FYN: variants seen among roughly 807,000 people sequenced by gnomAD.
FYN encodes the protein tyrosine-protein kinase Fyn.
FYN carries 10 observed loss-of-function variants against 70.2 expected under a neutral mutation model. That is an observed-to-expected ratio of 0.14 (90% CI 0.09 to 0.24). FYN has a LOEUF of 0.24. Ranked by LOEUF, FYN falls within the 10% of genes least tolerant of loss-of-function variation. FYN has a pLI of 1.00. For missense variants in FYN, 319 were observed against 673.1 expected (o/e 0.47, Z 5.82); for synonymous variants, 236 against 248.6 (o/e 0.95, Z 0.48).
At chr6:111,794,085 G>T (rs903676248) in intron 2 of FYN, among the ~76,000 whole-genome samples, 1 of 152,158 alleles carries the variant, frequency 6.6e-6, no homozygotes, top group African/African-American at 2.4e-5. Flanking sequence ...CCCGGGGCAG[G>T]GCCCCTGCCA....
intron 2 of FYN, among the ~76,000 whole-genome samples, chr6:111,791,781 C>T (rs1771632257): frequency 6.6e-6 from 1 of 152,176 alleles, no homozygotes; most frequent in Admixed American, 6.5e-5. Context: ...TTTTAAGCCA[C>T]CCATTTTGTG....
chr6:111,819,695 T>C (rs571634392), intron 2 of FYN, among the ~76,000 whole-genome samples: 7 of 152,324 alleles, frequency 4.6e-5, no homozygotes, highest in Middle Eastern at 3.4e-3. Context: ...ACTTTGTGTT[T>C]GTTTACATGT....
Position 111,720,071 on chromosome 6 carries a change from G to A in FYN, c.-11-9C>T, listed in dbSNP as rs1413595274. 8.3e-6 allele frequency: 13 copies of A among 1,565,556 alleles called. No homozygotes were observed. In the Admixed American group the frequency reaches 1.3e-4, roughly 15 times the overall value. ...GCCCATTATCTAAATTCCTGCCAAA[G>A]ACAAAAAAGGGGGCACGTAAGCTGG... On this transcript the variant is annotated splice_polypyrimidine_tract_variant and intron_variant, in intron 3 of 13. Transcript: ENST00000354650.
At chr6:111,689,051 A>G (rs1443526935) in intron 12 of FYN, among the ~76,000 whole-genome samples, 1 of 152,256 alleles carries the variant, frequency 6.6e-6, no homozygotes, top group Non-Finnish European at 1.5e-5. Flanking sequence ...ATGTATGTCA[A>G]ATACAAAAAG....
intron 3 of FYN, among the ~76,000 whole-genome samples, chr6:111,752,691 G>A (rs1802541753): frequency 6.6e-6 from 1 of 152,208 alleles, no homozygotes; most frequent in African/African-American, 2.4e-5. Flanking sequence ...GCCAAGAGAG[G>A]ACTTGGACTG....
chr6:111,666,838 T>G (rs1260211168), intron 13 of FYN, among the ~76,000 whole-genome samples: 1 of 152,040 alleles, frequency 6.6e-6, no homozygotes, highest in Non-Finnish European at 1.5e-5. Context: ...ACTAGTCCGC[T>G]GTGTGGGGGT....
chr6:111,854,906 G>A (rs1773785090), intron 1 of FYN, among the ~76,000 whole-genome samples: 2 of 152,186 alleles, frequency 1.3e-5, no homozygotes, highest in Admixed American at 1.3e-4. Context: ...TGTTAATAAT[G>A]ATGCAAGACT....
At chr6:111,731,977 G>A (rs140477317) in intron 3 of FYN, among the ~76,000 whole-genome samples, 61 of 152,332 alleles carry the variant, frequency 4.0e-4, no homozygotes, top group African/African-American at 1.3e-3. Context: ...ATCAGTAAGA[G>A]GAAGAGAATG....
intron 2 of FYN, among the ~76,000 whole-genome samples, chr6:111,819,370 T>C (rs1772587377): frequency 6.6e-6 from 1 of 152,234 alleles, no homozygotes; most frequent in Admixed American, 6.5e-5. Flanking sequence ...ATTTTATTCC[T>C]TTTCTGTTCC....
At chr6:111,700,066 G>T in intron 9 of FYN, 38 bp downstream of exon 9, 1 of 1,588,800 alleles carries the variant, frequency 6.3e-7, no homozygotes, top group South Asian at 1.1e-5. Flanking sequence ...TCTTCCAAAC[G>T]GGGAAGCTAA....
rs555142306 is a variant in FYN, at chr6:111,674,681, C to T, written c.1274-51G>A. The T allele has an allele frequency of 1.6e-5, 25 of 1,581,570 alleles. No homozygotes were observed. In the South Asian group the frequency reaches 2.9e-4, roughly 18 times the overall value. Reference sequence around the variant, plus strand: ...ATCAGGCAGAGGGCACTGCAATGGGCATGGGGTGTGGGAGGGAAAGGCACT... The same window carrying T: ...ATCAGGCAGAGGGCACTGCAATGGGTATGGGGTGTGGGAGGGAAAGGCACT... On this transcript the variant is annotated intron_variant, in intron 12 of 13. Transcript: ENST00000354650.
At chr6:111,751,689 A>G (rs1802496160) in intron 3 of FYN, among the ~76,000 whole-genome samples, 1 of 151,912 alleles carries the variant, frequency 6.6e-6, no homozygotes, top group South Asian at 2.1e-4. Context: ...TGGCACAATC[A>G]CAGCTCCCTG....
chr6:111,846,264 G>GA (rs1174212967), intron 2 of FYN, among the ~76,000 whole-genome samples: 1 of 152,126 alleles, frequency 6.6e-6, no homozygotes, highest in Non-Finnish European at 1.5e-5. Context: ...TCCCCAGCCT[G>GA]AAGGCTCCTC....
At chr6:111,704,201 A>C (rs1026355254) in intron 6 of FYN, 99 bp from the exon 7 acceptor site, 2 of 856,256 alleles carry the variant, frequency 2.3e-6, no homozygotes, top group African/African-American at 3.4e-5. Context: ...CCTCTCCTCC[A>C]ATTTAGTCCT....
chr6:111,769,175 G>T (rs1030172594), intron 3 of FYN, among the ~76,000 whole-genome samples: 1 of 152,222 alleles, frequency 6.6e-6, no homozygotes, highest in Non-Finnish European at 1.5e-5. Context: ...TGTATTACAA[G>T]AGGGCTGGCT....
At chr6:111,742,353 GA>G (rs922790661) in intron 3 of FYN, among the ~76,000 whole-genome samples, 3 of 152,070 alleles carry the variant, frequency 2.0e-5, no homozygotes, top group Admixed American at 1.3e-4. Flanking sequence ...TTCCAGTGTA[GA>G]AAAAAACACC....
At chr6:111,761,564 G>A (rs1803005729) in intron 3 of FYN, among the ~76,000 whole-genome samples, 1 of 152,214 alleles carries the variant, frequency 6.6e-6, no homozygotes, top group African/African-American at 2.4e-5. Context: ...GTTTCCTGGT[G>A]TGACCATAGT....
At chr6:111,737,687 G>A (rs1446256411) in intron 3 of FYN, among the ~76,000 whole-genome samples, 1 of 152,142 alleles carries the variant, frequency 6.6e-6, no homozygotes, top group Non-Finnish European at 1.5e-5. Context: ...CTGGCCACTG[G>A]TGATCAACTT....
At chr6:111,813,782 G>C (rs1018793026) in intron 2 of FYN, 4 of 152,214 alleles carry the variant, frequency 2.6e-5, no homozygotes, top group South Asian at 4.1e-4. Flanking sequence ...GCTATTAATG[G>C]AGATGTTCAC....
Sources: gnomAD v4.1 joint callset for allele counts (sites outside exome capture counted in the v4.1 genomes callset) on GRCh38, gnomAD v4.1.1 for gene constraint, MANE v1.5 for transcripts, NCBI Gene and HGNC (gene_info 2026-07-23, HGNC 2026-07-21) for gene names.